SLC4A11: variants seen among roughly 807,000 people sequenced by gnomAD.
SLC4A11 encodes the protein bicarbonate transporter related protein 1.
In SLC4A11, 74 loss-of-function variants were observed where a neutral mutation model predicts 95.0. The ratio of observed to expected loss-of-function variants is 0.78; its 90% CI spans 0.65 to 0.95. The LOEUF (loss-of-function observed/expected upper bound fraction) is 0.95, where lower values mean the gene tolerates loss of function less well. SLC4A11 is among the 40% of genes least tolerant of loss of function. The pLI is 0.00. For synonymous variants in SLC4A11, 548 were observed against 519.0 expected (o/e 1.06, Z -0.76); for missense variants, 1,081 against 1,192.4 (o/e 0.91, Z 1.38).
intron 1 of SLC4A11, 87 bp downstream of exon 1, chr20:3,239,008 T>C: frequency 7.1e-7 from 1 of 1,412,836 alleles, no homozygotes; most frequent in African/African-American, 1.5e-5. Flanking sequence ...GCAGACGGCA[T>C]CCGCGTTCTC....
chr20:3,233,470 C>T lies in SLC4A11; in HGVS notation c.729+44G>A, dbSNP rs780460433. Reference sequence around the variant, plus strand: ...GGACCCCAAGCAGAGGGCGGGTAACCCGGGGCCCTCCTTCTTCCCCAGGAC... The same window carrying T: ...GGACCCCAAGCAGAGGGCGGGTAACTCGGGGCCCTCCTTCTTCCCCAGGAC... On this transcript the variant is annotated intron_variant, in intron 7 of 19. Transcript: ENST00000642402. 1.3e-5 allele frequency: 21 copies of T among 1,611,006 alleles called. No individual in the cohort carries two copies. In the South Asian group the frequency reaches 2.3e-4, roughly 18 times the overall value.
At chr20:3,233,367 T>A in intron 7 of SLC4A11, 147 bp downstream of exon 7, 1 of 1,188,392 alleles carries the variant, frequency 8.4e-7, no homozygotes, top group Non-Finnish European at 1.2e-6. Context: ...CCTAGCAACA[T>A]GTTTCTGACA....
intron 7 of SLC4A11, among the ~76,000 whole-genome samples, chr20:3,232,890 C>T (rs892794959): frequency 4.6e-5 from 7 of 152,312 alleles, no homozygotes; most frequent in Admixed American, 1.3e-4. Context: ...GCCACTCCTT[C>T]CAACCCAGGG....
chr20:3,237,453 C>T, intron 2 of SLC4A11, 91 bp downstream of exon 2: 1 of 1,357,732 alleles, frequency 7.4e-7, no homozygotes. Flanking sequence ...GCGAGCAAAG[C>T]CACAGGACTC....
chr20:3,233,645 G>A lies in SLC4A11; in HGVS notation c.606-8C>T, dbSNP rs1469434800. 3.1e-6 allele frequency: 5 copies of A among 1,611,366 alleles called. No homozygotes were observed. The Admixed American group carries it at 6.7e-5, about 21-fold the overall frequency. On this transcript the variant is annotated splice_polypyrimidine_tract_variant and splice_region_variant and intron_variant, in intron 6 of 19. Coordinates refer to ENST00000642402, the MANE Select transcript of SLC4A11 (RefSeq NM_001174089.2). ...AGGGCCTTCATGGTACAGCTGGCAG[G>A]GGCGGGGAGGACACAGTGCACAGTT...
At position 3,234,408 on chromosome 20, in the gene SLC4A11, C is replaced by CCCCCAG; in HGVS notation, c.292-100_292-95dup. The CCCCCAG allele has an allele frequency of 7.0e-7, 1 of 1,434,186 alleles. No homozygotes were observed. Among genetic ancestry groups the CCCCCAG allele is most frequent in the South Asian group, 1.2e-5 (1 of 86,502 alleles). The allele number at this position is 1,434,186 out of a possible 1,614,324, so 88.8% of individuals were successfully genotyped here. A position where few individuals can be genotyped will look rare whatever the true frequency, so the allele number is the denominator to read the frequency against. ...CTCCCAGCCAGCCGCAGCAGTCCAGCCCCCAGCCCCCAGCCCCCAGCCCTG... is the reference window on the plus strand; with the variant it reads ...CTCCCAGCCAGCCGCAGCAGTCCAGCCCCCAGCCCCAGCCCCCAGCCCCCAGCCCTG... On this transcript the variant is annotated intron_variant, in intron 4 of 19. Coordinates refer to ENST00000642402, the MANE Select transcript of SLC4A11 (RefSeq NM_001174089.2). This position sits in a 1 kb window ranked among gnomAD's most constrained non-coding sequence, Gnocchi z 5.8.
rs114141158 is a variant in SLC4A11, at chr20:3,237,499, C to T, written c.88+45G>A. On this transcript the variant is annotated intron_variant, in intron 2 of 19. Transcript: ENST00000642402. ...GCTATGCACCCTGGAGGCTTTTGCCCGACAAGCTCTCTCTGCACACACACA... is the reference window on the plus strand; with the variant it reads ...GCTATGCACCCTGGAGGCTTTTGCCTGACAAGCTCTCTCTGCACACACACA... The T allele has an allele frequency of 4.7e-5, 76 of 1,604,276 alleles. 1 individual carries two copies. In the African/African-American group the frequency reaches 5.2e-4, roughly 11 times the overall value.
intron 2 of SLC4A11, among the ~76,000 whole-genome samples, chr20:3,236,026 C>T (rs187601322): frequency 4.6e-5 from 7 of 152,152 alleles, no homozygotes; most frequent in Admixed American, 6.5e-5. Flanking sequence ...AGGAAAGGGG[C>T]CCTTATAGCC....
At position 3,227,562 on chromosome 20, in the gene SLC4A11, G is replaced by A. The variant is rs77978636; in HGVS notation, c.*225C>T. ...TCAGTCCCACCCACCCTGGGCAGAA[G>A]CTGCCCTGAGCAACGCTCTTGGCCT... On this transcript the variant is annotated 3_prime_UTR_variant, in exon 20 of 20. Transcript: ENST00000642402. The A allele has an allele frequency of 3.9e-3, 2,285 of 592,034 alleles. 42 individuals carry two copies. The highest frequency in any genetic ancestry group is 0.037 in the African/African-American group (2,005 of 54,144). 36.7% of individuals were successfully genotyped at this position (592,034 alleles called of 1,614,324 possible).
chr20:3,239,535 G>T, upstream of SLC4A11: 1 of 990,720 alleles, frequency 1.0e-6, no homozygotes, highest in Non-Finnish European at 1.2e-6. Flanking sequence ...CGAGCCCACC[G>T]AGCTGTGCGA....
rs2067644060 is a variant in SLC4A11 at position 3,228,937 on chromosome 20, C to A, written c.2093G>T (p.Gly698Val). The change falls in exon 17 of 20, where the codon GGG (glycine) becomes GTG (valine). Residue 698 changes from glycine to valine, a missense_variant. Gly to Val is a moderately radical substitution (Grantham distance 109, BLOSUM62 -3). Transcript: ENST00000642402. The stretch of plus-strand genomic sequence containing the variant: ...GTAGGCGGCATGGATCCAAGGCAGC[C>A]CAAACAGAGACAGCCCTGTGTTGAT... ...AIINTGLSLF[G>V]LPWIHAAYPH... 1 of 1,613,910 alleles carries A rather than the reference C, an allele frequency of 6.2e-7. No homozygotes were observed. The highest frequency in any genetic ancestry group is 8.5e-7 in the Non-Finnish European group (1 of 1,180,004).
rs755844825 is a variant in SLC4A11, at chr20:3,230,720, C to G, written c.1282+12G>C. The stretch of plus-strand genomic sequence containing the variant: ...TCTCAGGCACCATCTCCCGCCTCAG[C>G]CCCCACTGCACCCTGGATGTAGAGC... On this transcript the variant is annotated intron_variant, in intron 11 of 19. Coordinates refer to ENST00000642402, the MANE Select transcript of SLC4A11 (RefSeq NM_001174089.2). 2 of 1,612,982 alleles carry G rather than the reference C, an allele frequency of 1.2e-6. No homozygotes were observed. Among genetic ancestry groups the G allele is most frequent in the African/African-American group, 1.3e-5 (1 of 74,946 alleles).
intron 2 of SLC4A11, among the ~76,000 whole-genome samples, chr20:3,235,303 T>A (rs2067937683): frequency 2.6e-5 from 3 of 114,956 alleles, no homozygotes; most frequent in African/African-American, 6.0e-5. Context: ...TCTCTCTCTC[T>A]CTCTCTCACA....
At chr20:3,230,333 C>T in intron 12 of SLC4A11, 73 bp from the exon 13 acceptor site, 1 of 1,587,658 alleles carries the variant, frequency 6.3e-7, no homozygotes, top group Non-Finnish European at 8.6e-7. Context: ...CCCTGAGCCC[C>T]TGCACAGTCC....
rs1472755019 is a variant in SLC4A11, at chr20:3,229,419, C to T, written c.1776G>A (p.Leu592=). Residue 592 remains leucine, a synonymous_variant, in exon 15 of 20, where the codon CTG becomes CTA. Coordinates refer to ENST00000642402, the MANE Select transcript of SLC4A11 (RefSeq NM_001174089.2). ...PYLHPCVREI[L]SDCALPIAVL... is the part of the protein sequence containing the mutation. ...CCGCGATGGGCAGGGCGCAGTCGGA[C>T]AGGATCTCTCGCACGCAGGGGTGCA... is the stretch of plus-strand genomic sequence containing the variant. 1 of 1,613,330 alleles carries T rather than the reference C, an allele frequency of 6.2e-7. No individual in the cohort carries two copies. Among genetic ancestry groups the T allele is most frequent in the South Asian group, 1.1e-5 (1 of 91,088 alleles).
At chr20:3,228,153 CATT>C in intron 19 of SLC4A11, 103 bp downstream of exon 19, 2 of 1,017,550 alleles carry the variant, frequency 2.0e-6, no homozygotes, top group Non-Finnish European at 3.0e-6. Context: ...CCAACCCGCC[CATT>C]CTCCGCCCCT....
At chr20:3,235,537 C>T (rs2067954541) in intron 2 of SLC4A11, among the ~76,000 whole-genome samples, 1 of 152,154 alleles carries the variant, frequency 6.6e-6, no homozygotes, top group Non-Finnish European at 1.5e-5. Flanking sequence ...GCCCTGCCCC[C>T]ATCGTGCTCC....
At chr20:3,229,060 G>GGGGCCCCCCC in intron 16 of SLC4A11, 35 bp downstream of exon 16, 6 of 1,542,098 alleles carry the variant, frequency 3.9e-6, no homozygotes, top group South Asian at 2.4e-5. Context: ...AGAGGCCCGG[G>GGGGCCCCCCC]CCCCGCCCAC....
In SLC4A11 at chr20:3,227,554, G is replaced by A; in HGVS notation, c.*233C>T. ...CATCCTGCTCAGTCCCACCCACCCTGGGCAGAAGCTGCCCTGAGCAACGCT... is the reference window on the plus strand; with the variant it reads ...CATCCTGCTCAGTCCCACCCACCCTAGGCAGAAGCTGCCCTGAGCAACGCT... On this transcript the variant is annotated 3_prime_UTR_variant, in exon 20 of 20. Coordinates refer to ENST00000642402, the MANE Select transcript of SLC4A11 (RefSeq NM_001174089.2). The A allele has an allele frequency of 1.7e-6, 1 of 582,772 alleles. No individual in the cohort carries two copies. Among genetic ancestry groups the A allele is most frequent in the Non-Finnish European group, 3.1e-6 (1 of 323,380 alleles). 36.1% of individuals were successfully genotyped at this position (582,772 alleles called of 1,614,324 possible).
Sources: allele counts gnomAD v4.1 joint callset (sites outside exome capture counted in the v4.1 genomes callset), GRCh38; gene constraint gnomAD v4.1.1; non-coding constraint Gnocchi (gnomAD v3.1); transcripts MANE v1.5; gene names NCBI Gene and HGNC (gene_info 2026-07-23, HGNC 2026-07-21).